DIPK1A: variants seen among roughly 807,000 people sequenced by gnomAD.
The protein encoded by DIPK1A is family with sequence similarity 69 member A.
A neutral mutation model predicts 40.8 loss-of-function variants in DIPK1A; 27 were observed. The ratio of observed to expected loss-of-function variants is 0.66; its 90% CI spans 0.49 to 0.91. DIPK1A has a LOEUF of 0.91. DIPK1A is among the 40% of genes least tolerant of loss of function. The pLI, the probability that DIPK1A is intolerant of heterozygous loss-of-function variation, is 0.00. For missense variants in DIPK1A, 412 were observed against 505.7 expected (o/e 0.81, Z 1.78); for synonymous variants, 166 against 171.3 (o/e 0.97, Z 0.24).
At chr1:92,930,632 C>T (rs1413624142) in intron 1 of DIPK1A, 1 of 152,176 alleles carries the variant, frequency 6.6e-6, no homozygotes, top group African/African-American at 2.4e-5. Flanking sequence ...CCTGAATACC[C>T]CCAAACGCAA....
chr1:92,859,744 C>G (rs966154614), intron 2 of DIPK1A, among the ~76,000 whole-genome samples: 1 of 152,156 alleles, frequency 6.6e-6, no homozygotes, highest in Non-Finnish European at 1.5e-5. Flanking sequence ...ACTCTGTCGC[C>G]CAGGCTGGAA....
intron 2 of DIPK1A, among the ~76,000 whole-genome samples, chr1:92,865,041 CAAAAAAA>C (rs56735279): frequency 1.4e-5 from 1 of 70,442 alleles, no homozygotes; most frequent in Non-Finnish European, 2.5e-5. Flanking sequence ...GACTCCGTCT[CAAAAAAA>C]AAAAAAAAAA....
In DIPK1A at chr1:92,847,197, A is replaced by G; in HGVS notation, c.460T>C (p.Tyr154His). Residue 154 changes from tyrosine to histidine, a missense_variant, in exon 4 of 5, where the codon TAT becomes CAT. Transcript: ENST00000370310. ...TTVQKFKEMVYSLFKAKLGDQ... is the reference protein window; with the variant it reads ...TTVQKFKEMVHSLFKAKLGDQ... ...GGTATGCTTACCTTAAAGAGACTAT[A>G]GACCATTTCTTTAAATTTTTGTACA... is the stretch of plus-strand genomic sequence containing the variant. 6.4e-7 allele frequency: 1 copy of G among 1,564,416 alleles called. No individual in the cohort carries two copies.
intron 1 of DIPK1A, among the ~76,000 whole-genome samples, chr1:92,912,937 T>C (rs1649890896): frequency 6.7e-6 from 1 of 149,052 alleles, no homozygotes; most frequent in Non-Finnish European, 1.5e-5. Context: ...CCTGTCTCTA[T>C]GAAATAAAAA....
rs181439353 is a variant in DIPK1A at position 92,874,055 on chromosome 1, G to A, written c.189+2241C>T. ...TATAATTTTTTAAAAGCCAGTCTTAGGAAAATGATGTATTTTAGACTCAGA... is the reference window on the plus strand; with the variant it reads ...TATAATTTTTTAAAAGCCAGTCTTAAGAAAATGATGTATTTTAGACTCAGA... On this transcript the variant is annotated intron_variant, in intron 2 of 4. Transcript: ENST00000370310. Among the ~76,000 whole-genome samples, 559 of 152,186 alleles carry A rather than the reference G, an allele frequency of 3.7e-3. 5 individuals carry two copies. The highest frequency in any genetic ancestry group is 0.012 in the South Asian group (57 of 4,824).
At chr1:92,916,553 T>A (rs1423753635) in intron 1 of DIPK1A, among the ~76,000 whole-genome samples, 17 of 152,114 alleles carry the variant, frequency 1.1e-4, no homozygotes, top group Admixed American at 9.2e-4. Context: ...CCACCTGCCT[T>A]GGCCTCACAA....
rs150172899 is a variant in DIPK1A at position 92,924,104 on chromosome 1, ATTC to A, written c.54+37269_54+37271del. The stretch of plus-strand genomic sequence containing the variant: ...AGAGGTGTGCATGTTTGTTAAATTT[ATTC>A]TTAAGTATTTTTGATGCTATTAAAA... On this transcript the variant is annotated intron_variant, in intron 1 of 4. Transcript: ENST00000370310. Among the ~76,000 whole-genome samples the A allele has an allele frequency of 5.6e-3, 847 of 152,276 alleles. 10 individuals are homozygous for A. The highest frequency in any genetic ancestry group is 0.031 in the South Asian group (150 of 4,830).
intron 2 of DIPK1A, among the ~76,000 whole-genome samples, chr1:92,869,133 C>T (rs1315692762): frequency 7.1e-6 from 1 of 139,976 alleles, no homozygotes; most frequent in East Asian, 2.1e-4. Context: ...CAGTAGTTAC[C>T]TTGAAAATAA....
chr1:92,844,183 C>T lies in DIPK1A; in HGVS notation c.487G>A (p.Asp163Asn). ...ACCAGTTCAGAGAGGTTTCCTTGGTCACCCAATTTTGCCTGTCAAGAATTT... is the reference window on the plus strand; with the variant it reads ...ACCAGTTCAGAGAGGTTTCCTTGGTTACCCAATTTTGCCTGTCAAGAATTT... ...VYSLFKAKLGDQGNLSELVNL... is the reference protein window; with the variant it reads ...VYSLFKAKLGNQGNLSELVNL... The change falls in exon 5 of 5, where the codon GAC becomes AAC. Residue 163 changes from aspartate to asparagine, a missense_variant. By Grantham distance (23) the Asp-to-Asn change is conservative (BLOSUM62 1). Transcript: ENST00000370310. 1 of 1,544,616 alleles carries T rather than the reference C, an allele frequency of 6.5e-7. No homozygotes were observed. Among genetic ancestry groups the T allele is most frequent in the Non-Finnish European group, 8.8e-7 (1 of 1,142,176 alleles).
chr1:92,891,123 G>C (rs1020558098), intron 1 of DIPK1A, among the ~76,000 whole-genome samples: 4 of 152,060 alleles, frequency 2.6e-5, no homozygotes, highest in Admixed American at 6.5e-5. Flanking sequence ...ATGATACAAA[G>C]TCTCTAATGA....
chr1:92,956,046 A>G (rs1651839863), intron 1 of DIPK1A, among the ~76,000 whole-genome samples: 1 of 152,096 alleles, frequency 6.6e-6, no homozygotes, highest in Non-Finnish European at 1.5e-5. Context: ...AAGAAGAGAA[A>G]AGAAAAGAAG....
At chr1:92,875,964 T>A (rs1198633796) in intron 2 of DIPK1A, among the ~76,000 whole-genome samples, 1 of 151,168 alleles carries the variant, frequency 6.6e-6, no homozygotes, top group African/African-American at 2.4e-5. Context: ...AATACGCTTT[T>A]ATAGTCTAAA....
At chr1:92,941,860 C>T (rs1294825395) in intron 1 of DIPK1A, among the ~76,000 whole-genome samples, 1 of 152,122 alleles carries the variant, frequency 6.6e-6, no homozygotes. Flanking sequence ...AGTGGTGGCG[C>T]GTGCTTGTAA....
At chr1:92,961,018 C>T (rs1178488783) in intron 1 of DIPK1A, among the ~76,000 whole-genome samples, 2 of 152,202 alleles carry the variant, frequency 1.3e-5, no homozygotes, top group African/African-American at 4.8e-5. Context: ...GAAGGCGGCC[C>T]GTCGAGCTCC....
intron 2 of DIPK1A, among the ~76,000 whole-genome samples, chr1:92,870,290 A>G (rs1055118618): frequency 3.9e-5 from 6 of 152,104 alleles, no homozygotes; most frequent in Non-Finnish European, 5.9e-5. Context: ...CAGTGGTGCA[A>G]TCTCAGCTCA....
intron 2 of DIPK1A, among the ~76,000 whole-genome samples, chr1:92,870,328 C>A (rs1268464530): frequency 2.0e-5 from 3 of 152,138 alleles, no homozygotes; most frequent in Non-Finnish European, 1.5e-5. Context: ...CAGGTTCCAG[C>A]GATTCTCCTG....
At chr1:92,845,529 A>AAAC in intron 4 of DIPK1A, 1 of 289,202 alleles carries the variant, frequency 3.5e-6, no homozygotes, top group Admixed American at 4.9e-5. Context: ...AAAAAAAAAA[A>AAAC]CCGTCTCTGC....
chr1:92,875,267 G>T (rs567298743), intron 2 of DIPK1A, among the ~76,000 whole-genome samples: 9 of 152,062 alleles, frequency 5.9e-5, no homozygotes, highest in African/African-American at 2.2e-4. Context: ...AAGATATTTT[G>T]CTCCCTGTTA....
chr1:92,961,225 G>A (rs369295135), intron 1 of DIPK1A, 151 bp downstream of exon 1: 2 of 363,024 alleles, frequency 5.5e-6, no homozygotes, highest in South Asian at 1.1e-4. Flanking sequence ...TGGGGAGGGC[G>A]CGCCGCCAGG....
Sources: gnomAD v4.1 joint callset for allele counts (sites outside exome capture counted in the v4.1 genomes callset) on GRCh38, gnomAD v4.1.1 for gene constraint, MANE v1.5 for transcripts, NCBI Gene and HGNC (gene_info 2026-07-23, HGNC 2026-07-21) for gene names.